Variants in LMO7 observed in about 807,000 individuals in gnomAD.
LMO7 encodes LIM domain only protein 7.
Under a neutral mutation model 206.5 loss-of-function variants are expected in LMO7, and 120 were observed. The ratio of observed to expected loss-of-function variants is 0.58; its 90% CI spans 0.50 to 0.68. The LOEUF is 0.68. LMO7 is among the 30% of genes least tolerant of loss of function. The probability of loss-of-function intolerance (pLI) is 0.00; values close to 1 mark genes in which losing one functional copy is unlikely to be tolerated. For synonymous variants in LMO7, 706 were observed against 681.5 expected (o/e 1.04, Z -0.56); for missense variants, 1,959 against 1,957.9 (o/e 1.00, Z -0.01).
Position 75,677,913 on chromosome 13 carries a change from A to T in LMO7, c.70-35269A>T, listed in dbSNP as rs549822645. ...CAGTGTTTGGTTTTTTGTCCTTGCG[A>T]TAGTTTGCTGAGAATGATGGTTTCC... On this transcript the variant is annotated intron_variant, in intron 1 of 30. Coordinates refer to ENST00000377534, the MANE Select transcript of LMO7 (RefSeq NM_001306080.2). Among the ~76,000 whole-genome samples the T allele has an allele frequency of 2.7e-5, 4 of 150,496 alleles. No homozygotes were observed. In the East Asian group the frequency reaches 7.9e-4, roughly 30 times the overall value.
chr13:75,649,342 C>G (rs868266304), intron 1 of LMO7, among the ~76,000 whole-genome samples: 1 of 151,850 alleles, frequency 6.6e-6, no homozygotes, highest in Non-Finnish European at 1.5e-5. Context: ...GAGAAAGGGG[C>G]GGTGATGGTC....
chr13:75,768,393 A>G (rs1332843850), intron 4 of LMO7, among the ~76,000 whole-genome samples: 4 of 152,112 alleles, frequency 2.6e-5, no homozygotes, highest in Non-Finnish European at 4.4e-5. Flanking sequence ...CCATTTTATT[A>G]GAATAGCAAA....
intron 3 of LMO7, among the ~76,000 whole-genome samples, chr13:75,729,058 CG>C (rs1475039793): frequency 6.6e-6 from 1 of 152,024 alleles, no homozygotes; most frequent in Non-Finnish European, 1.5e-5. Flanking sequence ...GGTCAGGTAG[CG>C]TGATGCCTCC....
intron 4 of LMO7, among the ~76,000 whole-genome samples, chr13:75,788,660 T>A (rs897679860): frequency 4.6e-5 from 7 of 152,076 alleles, no homozygotes; most frequent in Non-Finnish European, 1.0e-4. Flanking sequence ...GATTTTTTTT[T>A]AAAGTTGTGA....
In LMO7 at chr13:75,636,520, C is replaced by T. The variant is rs967278850; in HGVS notation, c.-138C>T. 6.6e-6 allele frequency: 10 copies of T among 1,513,352 alleles called. No individual in the cohort carries two copies. The highest frequency in any genetic ancestry group is 2.8e-5 in the African/African-American group (2 of 71,850). 93.7% of individuals were successfully genotyped at this position (1,513,352 alleles called of 1,614,324 possible). A position where few individuals can be genotyped will look rare whatever the true frequency, so the allele number is the denominator to read the frequency against. On this transcript the variant is annotated 5_prime_UTR_variant, in exon 1 of 31. Coordinates refer to ENST00000377534, the MANE Select transcript of LMO7 (RefSeq NM_001306080.2). ...AGCGCAACAAAGGGAACTAGAGCCC[C>T]GGCGCCTTCGCAGCCGGAGCGGAAG...
At chr13:75,646,069 C>T (rs917094028) in intron 1 of LMO7, among the ~76,000 whole-genome samples, 1 of 152,188 alleles carries the variant, frequency 6.6e-6, no homozygotes, top group South Asian at 2.1e-4. Context: ...TTAGTACTAC[C>T]CCTTTCCCAC....
intron 1 of LMO7, among the ~76,000 whole-genome samples, chr13:75,637,692 A>G (rs1181377141): frequency 6.6e-6 from 1 of 152,258 alleles, no homozygotes; most frequent in Non-Finnish European, 1.5e-5. Flanking sequence ...GGAAAAAACT[A>G]CATGTTTAAG....
chr13:75,717,698 CTCTA>C (rs2043669519), intron 2 of LMO7, among the ~76,000 whole-genome samples: 1 of 151,870 alleles, frequency 6.6e-6, no homozygotes, highest in Non-Finnish European at 1.5e-5. Context: ...GCCAAGAGAG[CTCTA>C]TCTTTTTGTT....
chr13:75,809,233 T>G (rs1327192793), intron 11 of LMO7, 50 bp downstream of exon 11: 1 of 1,499,604 alleles, frequency 6.7e-7, no homozygotes, highest in Non-Finnish European at 9.3e-7. Context: ...GTTTGTTCTT[T>G]GTATAACTTA....
At chr13:75,642,542 G>A (rs1405325256) in intron 1 of LMO7, among the ~76,000 whole-genome samples, 1 of 151,318 alleles carries the variant, frequency 6.6e-6, no homozygotes, top group Admixed American at 6.6e-5. Flanking sequence ...AGTTGAGGTT[G>A]TGGTGAGCCG....
chr13:75,708,573 C>T (rs1236174125), intron 1 of LMO7, among the ~76,000 whole-genome samples: 4 of 152,174 alleles, frequency 2.6e-5, no homozygotes, highest in Non-Finnish European at 5.9e-5. Flanking sequence ...TGCTTTTTGG[C>T]TATGCGTAGG....
At chr13:75,714,708 C>G (rs1353797747) in intron 2 of LMO7, among the ~76,000 whole-genome samples, 2 of 152,110 alleles carry the variant, frequency 1.3e-5, no homozygotes, top group Non-Finnish European at 2.9e-5. Flanking sequence ...AGTGTTTAAG[C>G]TAATTTAAGT....
chr13:75,676,624 A>G (rs1212676949), intron 1 of LMO7, among the ~76,000 whole-genome samples: 1 of 152,250 alleles, frequency 6.6e-6, no homozygotes, highest in Admixed American at 6.5e-5. Flanking sequence ...GACGTTCATT[A>G]TTTAATGCAT....
chr13:75,669,920 A>G (rs2147006), intron 1 of LMO7, among the ~76,000 whole-genome samples: 28,663 of 152,134 alleles, frequency 0.19, 3,556 homozygotes, highest in East Asian at 0.43. Flanking sequence ...CTGTGGTCCC[A>G]GTGCCAAGGG....
chr13:75,802,994 A>G (rs1462464110), intron 7 of LMO7, among the ~76,000 whole-genome samples: 1 of 152,216 alleles, frequency 6.6e-6, no homozygotes, highest in Non-Finnish European at 1.5e-5. Flanking sequence ...TAAAAGTTAG[A>G]AAGTAAAATA....
intron 1 of LMO7, among the ~76,000 whole-genome samples, chr13:75,644,668 G>C (rs2036856482): frequency 6.6e-6 from 1 of 152,066 alleles, no homozygotes; most frequent in Non-Finnish European, 1.5e-5. Context: ...TTGCTCTGTT[G>C]CCCAGGCTGG....
chr13:75,842,382 G>C (rs2059620088), intron 24 of LMO7, among the ~76,000 whole-genome samples: 1 of 152,042 alleles, frequency 6.6e-6, no homozygotes. Flanking sequence ...TGTGTGTCTT[G>C]TGTTCTCATT....
chr13:75,837,596 A>G (rs772662028), intron 19 of LMO7, among the ~76,000 whole-genome samples: 2 of 152,184 alleles, frequency 1.3e-5, no homozygotes, highest in African/African-American at 4.8e-5. Flanking sequence ...ACTTAATAGT[A>G]GTAGCTACCA....
upstream of LMO7, among the ~76,000 whole-genome samples, chr13:75,634,739 C>A (rs1340961151): frequency 6.7e-6 from 1 of 150,342 alleles, no homozygotes; most frequent in Non-Finnish European, 1.5e-5. Flanking sequence ...CGAGACTCCT[C>A]AAAAACAAAC....
Sources: gnomAD v4.1 joint callset for allele counts (sites outside exome capture counted in the v4.1 genomes callset) on GRCh38, gnomAD v4.1.1 for gene constraint, MANE v1.5 for transcripts, NCBI Gene and HGNC (gene_info 2026-07-23, HGNC 2026-07-21) for gene names.